ESYT2: variants seen among roughly 807,000 people sequenced by gnomAD.
ESYT2 encodes extended synaptotagmin 2, also known as extended synaptotagmin-2.
ESYT2 carries 54 observed loss-of-function variants against 107.2 expected under a neutral mutation model. The observed-to-expected ratio is 0.50, with a 90% CI of 0.40 to 0.63. ESYT2 has a LOEUF of 0.63. Among genes scored for constraint, ESYT2 ranks in the 30% least tolerant of loss-of-function variants. ESYT2 has a pLI of 0.00. For synonymous variants in ESYT2, 491 were observed against 434.1 expected, an observed-to-expected ratio of 1.13 and a Z score of -1.63; for missense variants, 1,020 against 1,094.5, an observed-to-expected ratio of 0.93 and a Z score of 0.96.
chr7:158,797,493 G>A (rs1839498519), intron 3 of ESYT2, among the ~76,000 whole-genome samples: 1 of 151,480 alleles, frequency 6.6e-6, no homozygotes, highest in South Asian at 2.1e-4. Context: ...GATCACTTGA[G>A]CCTAGGAGTC....
At chr7:158,791,914 C>T (rs1839304630) in intron 4 of ESYT2, among the ~76,000 whole-genome samples, 1 of 152,120 alleles carries the variant, frequency 6.6e-6, no homozygotes, top group African/African-American at 2.4e-5. Flanking sequence ...GTCTTCTAAT[C>T]CATTAAGGTA....
rs756504879 is a variant in ESYT2, at chr7:158,735,312, GACTTA to G, written c.2505+186_2505+190del. ...TGTGATACTTGAACAAAAATGTGAA[GACTTA>G]ACTTAAAATATCTTCAGAAAGCACA... On this transcript the variant is annotated intron_variant, in intron 21 of 22. Transcript: ENST00000275418. Among the ~76,000 whole-genome samples the G allele has an allele frequency of 3.9e-5, 6 of 152,332 alleles. No individual in the cohort carries two copies. The East Asian group carries it at 5.8e-4, about 15-fold the overall frequency.
At position 158,804,419 on chromosome 7, in the gene ESYT2, C is replaced by T. The variant is rs549427445; in HGVS notation, c.331-5347G>A. ...ACCCAAACTGTTGAGAAAAGTGAGG[C>T]ACGTGACAAACCCAAACTGCCGAGA... On this transcript the variant is annotated intron_variant, in intron 1 of 22. Transcript: ENST00000275418. Among the ~76,000 whole-genome samples the T allele has an allele frequency of 2.1e-3, 305 of 146,498 alleles. 2 individuals are homozygous for T. Among genetic ancestry groups the T allele is most frequent in the Middle Eastern group, 7.2e-3 (2 of 278 alleles).
rs1405435689 is a variant in ESYT2 at position 158,790,882 on chromosome 7, C to T, written c.585-2465G>A. On this transcript the variant is annotated intron_variant, in intron 4 of 22. Coordinates refer to ENST00000275418, the MANE Select transcript of ESYT2 (RefSeq NM_001367773.1). ...GGCGGAGGTTGCAGTGAGCCAAGAT[C>T]GTGCCATTGCACTCCAGCCTGGACA... 4.6e-5 allele frequency among the ~76,000 whole-genome samples: 7 copies of T among 152,188 alleles called. No individual in the cohort carries two copies. In the East Asian group the frequency reaches 5.8e-4, roughly 13 times the overall value.
chr7:158,785,354 G>C (rs901682265), intron 6 of ESYT2, among the ~76,000 whole-genome samples: 4 of 152,106 alleles, frequency 2.6e-5, no homozygotes, highest in African/African-American at 9.6e-5. Flanking sequence ...GAACCCAGGA[G>C]GTGGAGGTTG....
At chr7:158,815,556 T>G (rs1464488219) in intron 1 of ESYT2, among the ~76,000 whole-genome samples, 1 of 152,178 alleles carries the variant, frequency 6.6e-6, no homozygotes, top group African/African-American at 2.4e-5. Context: ...CCTTTTAAAT[T>G]GGGACACATC....
In ESYT2 at chr7:158,743,554, G is replaced by A. The variant is rs767278525; in HGVS notation, c.1769C>T (p.Thr590Ile). 6.2e-7 allele frequency: 1 copy of A among 1,612,622 alleles called. No individual in the cohort carries two copies. The highest frequency in any genetic ancestry group is 8.5e-7 in the Non-Finnish European group (1 of 1,179,532). Residue 590 changes from threonine to isoleucine, a missense_variant, in exon 17 of 23, where the codon ACC (threonine) becomes ATC (isoleucine). Transcript: ENST00000275418. ...CCGCAGGGCAATCTTCATCTTGATG[G>A]TGCTGTTTGGACCCGAGTTACTGAG... is the stretch of plus-strand genomic sequence containing the variant. Reference protein sequence around the residue: ...FQLSNSGPNSTIKMKIALRVL... With the variant: ...FQLSNSGPNSIIKMKIALRVL...
chr7:158,804,825 C>G (rs1009098146), intron 1 of ESYT2, among the ~76,000 whole-genome samples: 1 of 152,110 alleles, frequency 6.6e-6, no homozygotes, highest in Admixed American at 6.5e-5. Flanking sequence ...CACAAGCTGC[C>G]GAGAAGGGTG....
chr7:158,762,029 T>C (rs1409830704), intron 10 of ESYT2, among the ~76,000 whole-genome samples: 1 of 152,094 alleles, frequency 6.6e-6, no homozygotes, highest in Non-Finnish European at 1.5e-5. Context: ...CCCCCACCCT[T>C]GCTCCCAGGC....
chr7:158,758,504 C>A (rs780573000), intron 13 of ESYT2, among the ~76,000 whole-genome samples: 20 of 152,120 alleles, frequency 1.3e-4, no homozygotes, highest in Non-Finnish European at 2.2e-4. Context: ...CTGGTAAACA[C>A]TGACAAAGGG....
At chr7:158,764,538 T>C in intron 9 of ESYT2, 139 bp downstream of exon 9, 1 of 878,674 alleles carries the variant, frequency 1.1e-6, no homozygotes, top group South Asian at 1.8e-5. Flanking sequence ...TTTTTAAAGA[T>C]GGGAAATTAA....
intron 1 of ESYT2, among the ~76,000 whole-genome samples, chr7:158,814,025 GCA>G (rs1232762528): frequency 6.6e-6 from 1 of 151,868 alleles, no homozygotes; most frequent in Non-Finnish European, 1.5e-5. Flanking sequence ...TGTGATCCCA[GCA>G]CTTTGGGAGG....
chr7:158,769,470 G>C (rs569606105), intron 7 of ESYT2, among the ~76,000 whole-genome samples: 123 of 152,290 alleles, frequency 8.1e-4, no homozygotes, highest in African/African-American at 2.9e-3. Context: ...GCATGTCCCC[G>C]AACTGTGGAT....
intron 1 of ESYT2, among the ~76,000 whole-genome samples, chr7:158,808,787 T>C (rs1449470738): frequency 7.0e-6 from 1 of 142,536 alleles, no homozygotes; most frequent in Non-Finnish European, 1.5e-5. Context: ...CTGGCCAACA[T>C]GCGAAATCCC....
chr7:158,733,931 C>T lies in ESYT2; in HGVS notation c.*276G>A, dbSNP rs369334260. 1.3e-5 allele frequency: 6 copies of T among 449,500 alleles called. No individual in the cohort carries two copies. Among genetic ancestry groups the T allele is most frequent in the Admixed American group, 3.7e-5 (1 of 26,858 alleles). 27.8% of individuals were successfully genotyped at this position (449,500 alleles called of 1,614,324 possible). On this transcript the variant is annotated 3_prime_UTR_variant, in exon 23 of 23. Transcript: ENST00000275418. ...AAAGCACAGACACATCCGACTCCTA[C>T]GGACACAGCTGAGCAGAGTCCACAG...
At chr7:158,754,443 C>T (rs1417065448) in intron 13 of ESYT2, among the ~76,000 whole-genome samples, 5 of 151,932 alleles carry the variant, frequency 3.3e-5, no homozygotes, top group Non-Finnish European at 7.4e-5. Flanking sequence ...GATCTCTTGA[C>T]CTTGTGATCC....
At position 158,733,692 on chromosome 7, in the gene ESYT2, CA is replaced by C. The variant is rs1286370975; in HGVS notation, c.*514del. On this transcript the variant is annotated 3_prime_UTR_variant, in exon 23 of 23. Coordinates refer to ENST00000275418, the MANE Select transcript of ESYT2 (RefSeq NM_001367773.1). ...TTAATAATATTTCAGCTTTTCTTTT[CA>C]AAAAGAAACACCACAAAATAGGTCA... 6.6e-6 allele frequency: 1 copy of C among 152,266 alleles called. No homozygotes were observed. 9.4% of individuals were successfully genotyped at this position (152,266 alleles called of 1,614,324 possible).
chr7:158,753,133 A>G (rs927183486), intron 13 of ESYT2, among the ~76,000 whole-genome samples: 2 of 152,240 alleles, frequency 1.3e-5, no homozygotes, highest in Non-Finnish European at 2.9e-5. Flanking sequence ...TTTCACAAAT[A>G]CAAGAGTGGG....
At chr7:158,747,428 C>G (rs1837442756) in intron 16 of ESYT2, among the ~76,000 whole-genome samples, 1 of 151,054 alleles carries the variant, frequency 6.6e-6, no homozygotes, top group Non-Finnish European at 1.5e-5. Flanking sequence ...ATAAAAAAGA[C>G]AGGCAAAAAA....
Sources: allele counts gnomAD v4.1 joint callset (sites outside exome capture counted in the v4.1 genomes callset), GRCh38; gene constraint gnomAD v4.1.1; transcripts MANE v1.5; gene names NCBI Gene and HGNC (gene_info 2026-07-23, HGNC 2026-07-21).